Variants in SPOCK1 observed in about 807,000 individuals in gnomAD.
SPOCK1 encodes testican-1.
In SPOCK1, 23 loss-of-function variants were observed where a neutral mutation model predicts 55.3. The ratio of observed to expected loss-of-function variants is 0.42; its 90% confidence interval spans 0.30 to 0.59. The LOEUF is 0.59. Ranked by LOEUF, SPOCK1 falls within the 20% of genes least tolerant of loss-of-function variation. The probability of loss-of-function intolerance (pLI) is 0.22; values close to 1 mark genes in which losing one functional copy is unlikely to be tolerated. For synonymous variants in SPOCK1, 226 were observed against 221.0 expected (o/e 1.02, Z -0.20); for missense variants, 499 against 552.5 (o/e 0.90, Z 0.97).
At chr5:137,281,539 C>T (rs1471021351) in intron 2 of SPOCK1, among the ~76,000 whole-genome samples, 2 of 152,232 alleles carry the variant, frequency 1.3e-5, no homozygotes, top group Non-Finnish European at 2.9e-5. Flanking sequence ...CTGAAATAAG[C>T]AAGGAGTGAC....
chr5:137,378,975 G>A (rs1000723186), intron 2 of SPOCK1, among the ~76,000 whole-genome samples: 2 of 152,170 alleles, frequency 1.3e-5, no homozygotes, highest in South Asian at 2.1e-4. Flanking sequence ...AGGGCTCCAC[G>A]GGGTTGGCTG....
intron 3 of SPOCK1, among the ~76,000 whole-genome samples, chr5:137,178,122 T>C (rs1754892263): frequency 6.6e-6 from 1 of 152,172 alleles, no homozygotes; most frequent in South Asian, 2.1e-4. Context: ...CAAGTGACAC[T>C]TCCTCCAAGA....
chr5:137,342,507 T>C (rs993332300), intron 2 of SPOCK1, among the ~76,000 whole-genome samples: 4 of 152,220 alleles, frequency 2.6e-5, no homozygotes, highest in Admixed American at 6.5e-5. Context: ...AAGAGGAATT[T>C]CCATGACCTC....
chr5:137,061,994 G>A (rs1182751642), intron 6 of SPOCK1, among the ~76,000 whole-genome samples: 1 of 152,174 alleles, frequency 6.6e-6, no homozygotes, highest in Non-Finnish European at 1.5e-5. Flanking sequence ...AGGGTCAGGT[G>A]AGCTGTCAGC....
chr5:137,281,112 T>C (rs1015603477), intron 2 of SPOCK1, among the ~76,000 whole-genome samples: 1 of 152,232 alleles, frequency 6.6e-6, no homozygotes, highest in Admixed American at 6.5e-5. Flanking sequence ...AATTCATATA[T>C]TATCTATATA....
chr5:137,040,967 A>G (rs772444342), intron 6 of SPOCK1, among the ~76,000 whole-genome samples: 4 of 152,244 alleles, frequency 2.6e-5, no homozygotes, highest in African/African-American at 4.8e-5. Context: ...GACAATGTAC[A>G]TGTATCAGGC....
At chr5:137,256,624 T>C (rs1756637841) in intron 3 of SPOCK1, among the ~76,000 whole-genome samples, 1 of 152,212 alleles carries the variant, frequency 6.6e-6, no homozygotes, top group Non-Finnish European at 1.5e-5. Flanking sequence ...TTGGGGATTA[T>C]GTTTCCAACA....
chr5:137,077,183 C>T (rs911082992), intron 5 of SPOCK1, among the ~76,000 whole-genome samples: 2 of 152,260 alleles, frequency 1.3e-5, no homozygotes, highest in African/African-American at 4.8e-5. Flanking sequence ...CTCGTCCTCC[C>T]AAAGTGCTGG....
At chr5:137,081,587 T>G (rs1028711344) in intron 5 of SPOCK1, among the ~76,000 whole-genome samples, 1 of 152,140 alleles carries the variant, frequency 6.6e-6, no homozygotes, top group African/African-American at 2.4e-5. Flanking sequence ...ACCCCAAATA[T>G]CTTTCTGAAT....
At chr5:137,282,111 A>G (rs143952894) in intron 2 of SPOCK1, among the ~76,000 whole-genome samples, 68 of 152,310 alleles carry the variant, frequency 4.5e-4, no homozygotes, top group African/African-American at 1.5e-3. Context: ...TACATGCCAA[A>G]CACCCAGCGC....
chr5:137,043,178 C>T (rs776533137), intron 6 of SPOCK1, among the ~76,000 whole-genome samples: 2 of 152,038 alleles, frequency 1.3e-5, no homozygotes, highest in Non-Finnish European at 2.9e-5. Context: ...AGAAGGAGTG[C>T]CAAATGACCA....
chr5:137,489,320 G>A (rs909095441), intron 2 of SPOCK1, among the ~76,000 whole-genome samples: 8 of 152,182 alleles, frequency 5.3e-5, no homozygotes, highest in Non-Finnish European at 8.8e-5. Flanking sequence ...GGGAGGAGCT[G>A]AAGGAGCAAC....
At chr5:137,436,170 A>G (rs1049070415) in intron 2 of SPOCK1, among the ~76,000 whole-genome samples, 3 of 152,196 alleles carry the variant, frequency 2.0e-5, no homozygotes, top group Admixed American at 6.5e-5. Context: ...AAAACTATAT[A>G]TATATTAATT....
At chr5:136,982,275 A>C (rs1025396260) in intron 9 of SPOCK1, among the ~76,000 whole-genome samples, 2 of 152,252 alleles carry the variant, frequency 1.3e-5, no homozygotes, top group Non-Finnish European at 2.9e-5. Flanking sequence ...TTGCTTTGTC[A>C]GATATTAATG....
At position 137,079,543 on chromosome 5, in the gene SPOCK1, C is replaced by A. The variant is rs116465136; in HGVS notation, c.475-11714G>T. On this transcript the variant is annotated intron_variant, in intron 5 of 10. Coordinates refer to ENST00000394945, the MANE Select transcript of SPOCK1 (RefSeq NM_004598.4). ...ACCATCCCATCTGATTCCCCCCCCCCCCGACTTAGTGAAATGTCGTACCAA... is the reference window on the plus strand; with the variant it reads ...ACCATCCCATCTGATTCCCCCCCCCACCGACTTAGTGAAATGTCGTACCAA... Among the ~76,000 whole-genome samples the A allele has an allele frequency of 2.1e-3, 309 of 147,940 alleles. 6 individuals carry two copies. The highest frequency in any genetic ancestry group is 5.9e-3 in the South Asian group (27 of 4,574).
At chr5:137,455,100 C>G (rs1753335076) in intron 2 of SPOCK1, among the ~76,000 whole-genome samples, 1 of 152,182 alleles carries the variant, frequency 6.6e-6, no homozygotes, top group South Asian at 2.1e-4. Context: ...TAGCTAGGAA[C>G]TGTGGAGAAA....
chr5:137,138,713 C>A (rs76189174), intron 4 of SPOCK1, among the ~76,000 whole-genome samples: 21,519 of 119,264 alleles, frequency 0.18, 1,897 homozygotes, highest in East Asian at 0.28. Context: ...CCCCCCCCCC[C>A]AAAAAAAAGT....
At chr5:137,443,287 A>G (rs1202148991) in intron 2 of SPOCK1, among the ~76,000 whole-genome samples, 1 of 152,124 alleles carries the variant, frequency 6.6e-6, no homozygotes, top group Non-Finnish European at 1.5e-5. Flanking sequence ...ATTCATGGTA[A>G]CAGCTATTCC....
At chr5:137,195,080 G>A (rs570716924) in intron 3 of SPOCK1, among the ~76,000 whole-genome samples, 5 of 152,266 alleles carry the variant, frequency 3.3e-5, no homozygotes, top group African/African-American at 9.6e-5. Context: ...TTCACCACAC[G>A]GCAAAGGGGT....
Sources: allele counts gnomAD v4.1 joint callset (sites outside exome capture counted in the v4.1 genomes callset), GRCh38; gene constraint gnomAD v4.1.1; transcripts MANE v1.5; gene names NCBI Gene and HGNC (gene_info 2026-07-23, HGNC 2026-07-21).